The following FAAH2 variants were observed in gnomAD, a reference collection of about 807,000 sequenced individuals.
FAAH2 encodes fatty-acid amide hydrolase 2.
In FAAH2, 60 loss-of-function variants were observed where a neutral mutation model predicts 36.9. The observed-to-expected ratio is 1.63, with a 90% confidence interval of 1.32 to 2.02. FAAH2 has a LOEUF of 2.02. Ranked by LOEUF, FAAH2 falls within the 30% of genes most tolerant of loss-of-function variation. The pLI, the probability that FAAH2 is intolerant of heterozygous loss-of-function variation, is 0.00. For synonymous variants in FAAH2, 214 were observed against 143.8 expected (o/e 1.49, Z -3.49); for missense variants, 689 against 397.5 (o/e 1.73, Z -6.23).
At chrX:57,185,209 C>A in the FAAH2 span, among the ~76,000 whole-genome samples, 1 of 110,679 alleles carries the variant, frequency 9.0e-6, no homozygotes, top group African/African-American at 3.3e-5. Flanking sequence ...ATTAACTCAC[C>A]ATCCCCAACT....
chrX:57,228,787 G>A, the FAAH2 span, among the ~76,000 whole-genome samples: 3 of 111,596 alleles, frequency 2.7e-5, no homozygotes, highest in Admixed American at 9.5e-5. Context: ...CATGATTCCG[G>A]TAACAAAACT....
At chrX:57,391,776 T>C (rs1037170816) in intron 7 of FAAH2, among the ~76,000 whole-genome samples, 2 of 111,129 alleles carry the variant, frequency 1.8e-5, no homozygotes, top group Non-Finnish European at 3.8e-5. Flanking sequence ...TTTTTTCTTT[T>C]TATGAAAAAT....
At chrX:57,488,722 C>G in intron 10 of FAAH2, 35 bp from the exon 11 acceptor site, 1 of 1,195,225 alleles carries the variant, frequency 8.4e-7, no homozygotes, top group Middle Eastern at 2.3e-4. Context: ...AGGAACAGGT[C>G]TTGATTTCTC....
intron 2 of FAAH2, among the ~76,000 whole-genome samples, chrX:57,296,121 C>T (rs1475270431): frequency 8.9e-6 from 1 of 112,274 alleles, no homozygotes; most frequent in East Asian, 2.8e-4. Context: ...TCCCAGCACG[C>T]AGCTTGAGAT....
intron 10 of FAAH2, among the ~76,000 whole-genome samples, chrX:57,451,761 TG>T (rs36022781): frequency 1.8e-5 from 2 of 111,619 alleles, no homozygotes; most frequent in Non-Finnish European, 3.8e-5. Context: ...AAGCATGTCA[TG>T]GAGAACATTC....
intron 7 of FAAH2, among the ~76,000 whole-genome samples, chrX:57,405,476 G>A (rs755408635): frequency 1.1e-4 from 12 of 109,162 alleles, no homozygotes; most frequent in African/African-American, 1.7e-4. Context: ...GATTGGGAGC[G>A]GCAATGGGCA....
At chrX:57,455,686 C>A (rs1279330086) in intron 10 of FAAH2, among the ~76,000 whole-genome samples, 1 of 111,758 alleles carries the variant, frequency 8.9e-6, no homozygotes, top group Non-Finnish European at 1.9e-5. Context: ...TTTAAACCAG[C>A]AACGGTCATA....
At chrX:57,123,592 T>G in the FAAH2 span, among the ~76,000 whole-genome samples, 1 of 112,299 alleles carries the variant, frequency 8.9e-6, no homozygotes, top group East Asian at 2.8e-4. Context: ...ACTTCCACAA[T>G]GGTTCAACTA....
intron 3 of FAAH2, among the ~76,000 whole-genome samples, chrX:57,320,103 A>G (rs1169815860): frequency 8.9e-6 from 1 of 112,231 alleles, no homozygotes. Flanking sequence ...GGACATAGGC[A>G]TGGGTAAATA....
At chrX:57,472,882 T>A (rs190928622) in intron 10 of FAAH2, among the ~76,000 whole-genome samples, 3 of 111,528 alleles carry the variant, frequency 2.7e-5, no homozygotes, top group Non-Finnish European at 3.8e-5. Context: ...ACCTTCATCA[T>A]TTCTGATTGT....
intron 7 of FAAH2, among the ~76,000 whole-genome samples, chrX:57,414,850 C>CTT (rs760473454): frequency 3.3e-4 from 19 of 57,834 alleles, no homozygotes; most frequent in African/African-American, 6.4e-4. Flanking sequence ...TTGTCCTGGG[C>CTT]TTTTTTTTTT....
At chrX:57,303,937 T>C (rs2052448093) in intron 2 of FAAH2, among the ~76,000 whole-genome samples, 1 of 112,019 alleles carries the variant, frequency 8.9e-6, no homozygotes, top group Admixed American at 9.5e-5. Flanking sequence ...CTGGGCGCGG[T>C]GGCTCACACC....
chrX:57,419,245 G>C (rs1447996168), intron 7 of FAAH2, among the ~76,000 whole-genome samples: 1 of 110,677 alleles, frequency 9.0e-6, no homozygotes, highest in Non-Finnish European at 1.9e-5. Context: ...TAATGGGATG[G>C]CTGGGTCAAA....
chrX:57,189,620 G>GT, the FAAH2 span, among the ~76,000 whole-genome samples: 1 of 111,245 alleles, frequency 9.0e-6, no homozygotes, highest in Admixed American at 9.6e-5. Flanking sequence ...CTGTTTGTTA[G>GT]TTTTTCTTCT....
At chrX:57,180,633 C>CA in the FAAH2 span, among the ~76,000 whole-genome samples, 1 of 110,776 alleles carries the variant, frequency 9.0e-6, no homozygotes, top group Non-Finnish European at 1.9e-5. Context: ...AATAGCCTGC[C>CA]AACCAAACAA....
At chrX:57,151,217 A>G in the FAAH2 span, among the ~76,000 whole-genome samples, 8 of 111,384 alleles carry the variant, frequency 7.2e-5, no homozygotes, top group Non-Finnish European at 1.1e-4. Context: ...TTCAACTTTG[A>G]TGAATCTGAC....
At chrX:57,198,856 T>C in the FAAH2 span, among the ~76,000 whole-genome samples, 1 of 112,227 alleles carries the variant, frequency 8.9e-6, no homozygotes, top group Non-Finnish European at 1.9e-5. Flanking sequence ...GGTAAAATCC[T>C]TTCTTAATCT....
the FAAH2 span, among the ~76,000 whole-genome samples, chrX:57,250,765 A>T: frequency 2.5e-4 from 19 of 77,410 alleles, no homozygotes; most frequent in African/African-American, 1.9e-3. Context: ...TAGAAGAAAT[A>T]AAAAAAAAAC....
chrX:57,347,088 C>G (rs4122902), intron 5 of FAAH2, among the ~76,000 whole-genome samples: 9,547 of 110,622 alleles, frequency 0.086, 985 homozygotes, highest in African/African-American at 0.29. Context: ...CTCTGTATTT[C>G]TTTGATTTGC....
Sources: gnomAD v4.1 joint callset for allele counts (sites outside exome capture counted in the v4.1 genomes callset) on GRCh38, gnomAD v4.1.1 for gene constraint, MANE v1.5 for transcripts, NCBI Gene and HGNC (gene_info 2026-07-23, HGNC 2026-07-21) for gene names.